Variants in LDAH observed in about 807,000 individuals in gnomAD.
The protein encoded by LDAH is lipid droplet-associated hydrolase.
A neutral mutation model predicts 29.6 loss-of-function variants in LDAH; 26 were observed. That is an observed-to-expected ratio of 0.88 (90% CI 0.64 to 1.22). The LOEUF (loss-of-function observed/expected upper bound fraction) is 1.22. Among genes scored for constraint, LDAH ranks in the 50% most tolerant of loss-of-function variants. The pLI is 0.00. For missense variants in LDAH, 344 were observed against 387.3 expected (o/e 0.89, Z 0.94); for synonymous variants, 117 against 133.0 (o/e 0.88, Z 0.83).
In LDAH at chr2:20,716,729, CAT is replaced by C. The variant is rs138849399; in HGVS notation, c.704-15079_704-15078del. On this transcript the variant is annotated intron_variant, in intron 5 of 6. Coordinates refer to ENST00000237822, the MANE Select transcript of LDAH (RefSeq NM_021925.4). ...TACCCTAGAACTTTAAGTATATATACATATATATATATATATGAGTAGAGAAG... is the reference window on the plus strand; with the variant it reads ...TACCCTAGAACTTTAAGTATATATACATATATATATATATGAGTAGAGAAG... Among the ~76,000 whole-genome samples, 224 of 124,406 alleles carry C rather than the reference CAT, an allele frequency of 1.8e-3. 8 individuals carry two copies. The highest frequency in any genetic ancestry group is 4.7e-3 in the African/African-American group (170 of 36,492). The allele number at this position is 124,406 out of a possible 152,430, so 81.6% of individuals were successfully genotyped here. A position where few individuals can be genotyped will look rare whatever the true frequency, so the allele number is the denominator to read the frequency against.
At chr2:20,683,059 G>C (rs1662359510), downstream of LDAH, among the ~76,000 whole-genome samples, 1 of 152,162 alleles carries the variant, frequency 6.6e-6, no homozygotes, top group Admixed American at 6.5e-5. Flanking sequence ...TGTCTTTATA[G>C]AACCCTTTAT....
intron 5 of LDAH, among the ~76,000 whole-genome samples, chr2:20,708,360 A>C (rs1171587773): frequency 6.6e-6 from 1 of 152,190 alleles, no homozygotes; most frequent in Admixed American, 6.5e-5. Context: ...TAGAAGCAAG[A>C]CCAGAAAGTA....
At chr2:20,808,537 G>A (rs778949315) in intron 1 of LDAH, among the ~76,000 whole-genome samples, 1 of 151,782 alleles carries the variant, frequency 6.6e-6, no homozygotes, top group Non-Finnish European at 1.5e-5. Flanking sequence ...GGTGGCGGGC[G>A]TCTATAATCC....
rs145745695 is a variant in LDAH at position 20,792,540 on chromosome 2, C to T, written c.155-2142G>A. Among the ~76,000 whole-genome samples, 19 of 152,286 alleles carry T rather than the reference C, an allele frequency of 1.2e-4. 1 individual carries two copies. In the East Asian group the frequency reaches 3.7e-3, roughly 29 times the overall value. On this transcript the variant is annotated intron_variant, in intron 2 of 6. Coordinates refer to ENST00000237822, the MANE Select transcript of LDAH (RefSeq NM_021925.4). ...AATCCGGTGTAGGATCTTCTGCCTT[C>T]CTTGTTTTAGTTAGTCTTACAATAT...
chr2:20,714,760 G>T (rs1364139336), intron 5 of LDAH, among the ~76,000 whole-genome samples: 1 of 152,140 alleles, frequency 6.6e-6, no homozygotes, highest in Admixed American at 6.5e-5. Context: ...ACACTTCTAC[G>T]CAAATAAACT....
At chr2:20,778,508 T>G (rs953835466) in intron 3 of LDAH, among the ~76,000 whole-genome samples, 2 of 152,212 alleles carry the variant, frequency 1.3e-5, no homozygotes, top group African/African-American at 4.8e-5. Flanking sequence ...ATCTGATGAT[T>G]ATTATTTTCT....
chr2:20,810,558 T>C (rs1672398364), intron 1 of LDAH, among the ~76,000 whole-genome samples: 1 of 152,228 alleles, frequency 6.6e-6, no homozygotes, highest in South Asian at 2.1e-4. Flanking sequence ...GGAGTTACTA[T>C]TGTGGCCATC....
chr2:20,742,170 T>C (rs1423493062), intron 4 of LDAH, among the ~76,000 whole-genome samples: 1 of 152,242 alleles, frequency 6.6e-6, no homozygotes, highest in East Asian at 1.9e-4. Context: ...GCAGGCATTA[T>C]ATAATTTCTA....
chr2:20,788,037 G>A (rs1449101409), intron 3 of LDAH, among the ~76,000 whole-genome samples: 2 of 152,126 alleles, frequency 1.3e-5, no homozygotes, highest in Non-Finnish European at 2.9e-5. Flanking sequence ...TGAAGTTTTA[G>A]TATTTCTTTT....
chr2:20,719,604 G>A (rs918325091), intron 5 of LDAH, among the ~76,000 whole-genome samples: 3 of 152,036 alleles, frequency 2.0e-5, no homozygotes, highest in Admixed American at 1.3e-4. Flanking sequence ...TTGAAGAGGA[G>A]GGAATATTTC....
chr2:20,749,208 A>G (rs1022110838), intron 4 of LDAH, among the ~76,000 whole-genome samples: 6 of 152,146 alleles, frequency 3.9e-5, no homozygotes, highest in African/African-American at 1.2e-4. Flanking sequence ...TGAAGAGTAA[A>G]ATAGAAACAT....
At chr2:20,736,151 A>G (rs1279693094) in intron 5 of LDAH, among the ~76,000 whole-genome samples, 3 of 152,166 alleles carry the variant, frequency 2.0e-5, no homozygotes, top group Non-Finnish European at 4.4e-5. Context: ...GAAAGTATTA[A>G]AGACCAGAGG....
At chr2:20,762,043 G>T (rs919126717) in intron 4 of LDAH, among the ~76,000 whole-genome samples, 1 of 151,184 alleles carries the variant, frequency 6.6e-6, no homozygotes, top group African/African-American at 2.4e-5. Flanking sequence ...TTTTTATACA[G>T]TTGTATTCAC....
At chr2:20,814,584 A>G (rs1218955814) in intron 1 of LDAH, among the ~76,000 whole-genome samples, 2 of 152,086 alleles carry the variant, frequency 1.3e-5, no homozygotes, top group African/African-American at 4.8e-5. Flanking sequence ...CCTCCGCCCC[A>G]CAAGTAGCTG....
At chr2:20,782,685 A>G (rs1487726635) in intron 3 of LDAH, among the ~76,000 whole-genome samples, 1 of 152,066 alleles carries the variant, frequency 6.6e-6, no homozygotes, top group Non-Finnish European at 1.5e-5. Flanking sequence ...TTCTTTCTGA[A>G]TACTTGTAAT....
rs1284715708 is a variant in LDAH at position 20,774,878 on chromosome 2, C to G, written c.400G>C (p.Val134Leu). ...RTHVPKDMKL[V>L]LIGHSIGSYF... ...CTGCCTATTGAATGGCCAATGAGCACAAGTTTCATGTCCTTTGGCACATGA... is the reference window on the plus strand; with the variant it reads ...CTGCCTATTGAATGGCCAATGAGCAGAAGTTTCATGTCCTTTGGCACATGA... The change falls in exon 4 of 7, where the codon GTG becomes CTG. Residue 134 changes from valine (V) to leucine (L), a missense_variant. Coordinates refer to ENST00000237822, the MANE Select transcript of LDAH (RefSeq NM_021925.4). 5.6e-6 allele frequency: 9 copies of G among 1,613,506 alleles called. No homozygotes were observed. The highest frequency in any genetic ancestry group is 1.7e-5 in the Admixed American group (1 of 59,972).
rs558396358 is a variant in LDAH at position 20,767,838 on chromosome 2, TG to T, written c.468+6971del. Among the ~76,000 whole-genome samples the T allele has an allele frequency of 2.1e-4, 32 of 152,180 alleles. 1 individual carries two copies. In the South Asian group the frequency reaches 6.6e-3, roughly 32 times the overall value. ...AGCAGAGCAGAGGACAGAGAGACAA[TG>T]GGATGACCTGCTGCAGAAAGGAGCT... is the stretch of plus-strand genomic sequence containing the variant. On this transcript the variant is annotated intron_variant, in intron 4 of 6. Transcript: ENST00000237822.
At chr2:20,697,828 T>C (rs1477835611) in intron 6 of LDAH, among the ~76,000 whole-genome samples, 1 of 152,228 alleles carries the variant, frequency 6.6e-6, no homozygotes, top group East Asian at 1.9e-4. Flanking sequence ...ATTTAGTATT[T>C]CTTTCAATTA....
At chr2:20,780,350 A>C (rs1342729131) in intron 3 of LDAH, among the ~76,000 whole-genome samples, 1 of 152,188 alleles carries the variant, frequency 6.6e-6, no homozygotes. Flanking sequence ...AACAGTCCTT[A>C]GCAGGAAACA....
Sources: gnomAD v4.1 joint callset for allele counts (sites outside exome capture counted in the v4.1 genomes callset) on GRCh38, gnomAD v4.1.1 for gene constraint, MANE v1.5 for transcripts, NCBI Gene and HGNC (gene_info 2026-07-23, HGNC 2026-07-21) for gene names.